Variants in ZC4H2 observed in about 807,000 individuals in gnomAD.
The protein encoded by ZC4H2 is zinc finger C4H2 domain-containing protein.
For synonymous variants in ZC4H2, 84 were observed against 66.3 expected, an observed-to-expected ratio of 1.27 and a Z score of -1.30; for missense variants, 137 against 173.9, an observed-to-expected ratio of 0.79 and a Z score of 1.19.
Position 64,976,402 on chromosome X carries a change from C to T in ZC4H2, c.-25G>A. The T allele has an allele frequency of 1.7e-6, 2 of 1,202,624 alleles. No individual in the cohort carries two copies. Among genetic ancestry groups the T allele is most frequent in the East Asian group, 3.0e-5 (1 of 33,796 alleles). ...TACTTTTCACTGTCAATTTCACGTC[C>T]CGAGAGATGTACAAATACACCAGCC... On this transcript the variant is annotated 5_prime_UTR_variant, in exon 1 of 5. Transcript: ENST00000374839.
At chrX:64,934,969 C>T (rs769009919) in intron 1 of ZC4H2, among the ~76,000 whole-genome samples, 8 of 108,837 alleles carry the variant, frequency 7.4e-5, no homozygotes, top group African/African-American at 1.3e-4. Context: ...TAAGGGCCAG[C>T]GAGAAAAAAA....
At chrX:64,931,280 C>T (rs775645883) in intron 1 of ZC4H2, among the ~76,000 whole-genome samples, 16 of 111,856 alleles carry the variant, frequency 1.4e-4, no homozygotes, top group Non-Finnish European at 3.0e-4. Context: ...ATCAATTTTG[C>T]TTATCTTTTC....
At chrX:64,949,558 T>C (rs775225248) in intron 1 of ZC4H2, among the ~76,000 whole-genome samples, 75 of 112,059 alleles carry the variant, frequency 6.7e-4, no homozygotes, top group African/African-American at 2.4e-3. Flanking sequence ...ACAGAATTAT[T>C]TGACATAGCA....
chrX:64,921,773 T>A (rs761355441), intron 2 of ZC4H2, 44 bp downstream of exon 2: 1 of 1,185,900 alleles, frequency 8.4e-7, no homozygotes, highest in African/African-American at 1.7e-5. Context: ...CACCACTACC[T>A]CTTTCTCAAA....
At chrX:64,931,771 G>T (rs996514509) in intron 1 of ZC4H2, among the ~76,000 whole-genome samples, 8 of 111,106 alleles carry the variant, frequency 7.2e-5, no homozygotes, top group African/African-American at 2.6e-4. Context: ...TGTGACCTAT[G>T]ATATGGTCTA....
intron 1 of ZC4H2, among the ~76,000 whole-genome samples, chrX:65,008,014 G>C (rs1164173064): frequency 1.8e-5 from 2 of 111,369 alleles, no homozygotes; most frequent in Non-Finnish European, 3.8e-5. Context: ...AATCAACAAA[G>C]TGAAGAGACA....
At chrX:64,948,435 T>G (rs755033572) in intron 1 of ZC4H2, among the ~76,000 whole-genome samples, 64 of 111,841 alleles carry the variant, frequency 5.7e-4, no homozygotes, top group Admixed American at 1.9e-4. Context: ...TTGTGCACAC[T>G]TAGGTAGGAA....
At chrX:64,930,227 G>A (rs1262342346) in intron 1 of ZC4H2, among the ~76,000 whole-genome samples, 1 of 111,928 alleles carries the variant, frequency 8.9e-6, no homozygotes, top group Non-Finnish European at 1.9e-5. Context: ...GTTGTATCCT[G>A]AGACTTTACT....
intron 1 of ZC4H2, among the ~76,000 whole-genome samples, chrX:64,952,504 A>T (rs1930902956): frequency 9.0e-6 from 1 of 110,954 alleles, no homozygotes; most frequent in African/African-American, 3.3e-5. Context: ...AAAAATCACA[A>T]GCATTCTTAT....
chrX:64,987,543 G>C (rs1411607585), intron 1 of ZC4H2, among the ~76,000 whole-genome samples: 1 of 104,563 alleles, frequency 9.6e-6, no homozygotes, highest in Non-Finnish European at 1.9e-5. Flanking sequence ...GTATCTGTTA[G>C]GAAAAAAAAA....
intron 1 of ZC4H2, among the ~76,000 whole-genome samples, chrX:64,999,150 G>C (rs1602446338): frequency 9.6e-6 from 1 of 104,061 alleles, no homozygotes; most frequent in East Asian, 3.1e-4. Context: ...TGGCTGGCAA[G>C]ATGGCCGAGC....
Position 64,917,669 on chromosome X carries a change from A to T in ZC4H2, c.*114T>A. The stretch of plus-strand genomic sequence containing the variant: ...GAGAGAGGGGTTGTGCTTCCATCAC[A>T]TTAAATAGGAGACTTCGTGGGGTTG... On this transcript the variant is annotated 3_prime_UTR_variant, in exon 5 of 5. Coordinates refer to ENST00000374839, the MANE Select transcript of ZC4H2 (RefSeq NM_018684.4). The T allele has an allele frequency of 9.5e-7, 1 of 1,052,653 alleles. No individual in the cohort carries two copies. The allele number at this position is 1,052,653 out of a possible 1,213,427, so 86.8% of individuals were successfully genotyped here.
chrX:64,920,200 A>G lies in ZC4H2; in HGVS notation c.279T>C (p.Ser93=), dbSNP rs1256083426. Residue 93 remains serine (S), a synonymous_variant, in exon 3 of 5, where the codon TCT becomes TCC. Transcript: ENST00000374839. ...TATACTCATCATGCAGCCTCCTTGT[A>G]GACTCTAGCAGCTTGTTTAGGTCAT... ...SENDLNKLLE[S]TRRLHDEYKP... 8.3e-7 allele frequency: 1 copy of G among 1,211,255 alleles called. No individual in the cohort carries two copies. Among genetic ancestry groups the G allele is most frequent in the Non-Finnish European group, 1.1e-6 (1 of 895,311 alleles).
intron 1 of ZC4H2, among the ~76,000 whole-genome samples, chrX:64,986,174 A>C (rs1014396682): frequency 1.8e-5 from 2 of 112,740 alleles, no homozygotes; most frequent in African/African-American, 6.4e-5. Flanking sequence ...ACAGGATAAA[A>C]GTAAGCAAGG....
intron 1 of ZC4H2, chrX:64,922,257 AAAG>A: frequency 6.4e-6 from 2 of 310,213 alleles, no homozygotes; most frequent in Non-Finnish European, 9.7e-6. Context: ...CAAAAAAAAA[AAAG>A]AAAAAGAAAA....
chrX:64,930,340 C>T (rs1439351799), intron 1 of ZC4H2, among the ~76,000 whole-genome samples: 2 of 111,660 alleles, frequency 1.8e-5, no homozygotes, highest in South Asian at 3.7e-4. Context: ...TTCCACTTTT[C>T]CAATTTGGAT....
chrX:65,015,208 C>T (rs1317123711), intron 1 of ZC4H2, among the ~76,000 whole-genome samples: 1 of 111,755 alleles, frequency 8.9e-6, no homozygotes, highest in Admixed American at 9.5e-5. Flanking sequence ...ACTCAGATTA[C>T]CTGGAACATT....
chrX:65,022,568 C>A (rs781386614), intron 1 of ZC4H2, among the ~76,000 whole-genome samples: 1 of 111,922 alleles, frequency 8.9e-6, no homozygotes, highest in Admixed American at 9.5e-5. Flanking sequence ...CAGCCAATAT[C>A]ATACTGAATG....
At chrX:65,005,046 A>C (rs1254881983) in intron 1 of ZC4H2, among the ~76,000 whole-genome samples, 2 of 111,596 alleles carry the variant, frequency 1.8e-5, no homozygotes, top group Non-Finnish European at 3.8e-5. Flanking sequence ...ACCTCTTCAA[A>C]AAGAACTACA....
Sources: allele counts gnomAD v4.1 joint callset (sites outside exome capture counted in the v4.1 genomes callset), GRCh38; gene constraint gnomAD v4.1.1; transcripts MANE v1.5; gene names NCBI Gene and HGNC (gene_info 2026-07-23, HGNC 2026-07-21).